ABHD14B: variants seen among roughly 807,000 people sequenced by gnomAD.
ABHD14B encodes putative protein-lysine deacylase ABHD14B.
A neutral mutation model predicts 15.4 loss-of-function variants in ABHD14B; 19 were observed. The observed-to-expected ratio is 1.23, with a 90% confidence interval of 0.86 to 1.81. The LOEUF (loss-of-function observed/expected upper bound fraction) is 1.81, where lower values mean the gene tolerates loss of function less well. Among genes scored for constraint, ABHD14B ranks in the 40% most tolerant of loss-of-function variants. The pLI, the probability that ABHD14B is intolerant of heterozygous loss-of-function variation, is 0.00. For missense variants in ABHD14B, 243 were observed against 267.0 expected (o/e 0.91, Z 0.63); for synonymous variants, 92 against 117.3 (o/e 0.78, Z 1.39).
chr3:51,971,328 CAGCCT>C, intron 2 of ABHD14B, 127 bp downstream of exon 2: 1 of 1,102,170 alleles, frequency 9.1e-7, no homozygotes, highest in Non-Finnish European at 1.3e-6. Flanking sequence ...GTTCAGGGCC[CAGCCT>C]GGCTGGGTCC....
intron 3 of ABHD14B, 162 bp downstream of exon 3, chr3:51,969,780 GC>G (rs1700617563): frequency 6.9e-7 from 1 of 1,439,306 alleles, no homozygotes; most frequent in South Asian, 1.2e-5. Flanking sequence ...TTAGCACAGG[GC>G]TTGGCACAGT....
intron 1 of ABHD14B, chr3:51,971,902 G>A: frequency 1.8e-6 from 2 of 1,093,476 alleles, no homozygotes; most frequent in Non-Finnish European, 2.4e-6. Context: ...TCTGAAATAT[G>A]GGAACAATAA....
At position 51,969,494 on chromosome 3, in the gene ABHD14B, G is replaced by T; in HGVS notation, c.565C>A (p.Pro189Thr). The T allele has an allele frequency of 2.5e-6, 4 of 1,613,974 alleles. No homozygotes were observed. Among genetic ancestry groups the T allele is most frequent in the Middle Eastern group, 1.7e-4 (1 of 6,050 alleles). Residue 189 changes from proline (P) to threonine (T), a missense_variant, in exon 4 of 4, where the codon CCC becomes ACC. Pro to Thr is a conservative substitution (Grantham distance 38). Coordinates refer to ENST00000361143, the MANE Select transcript of ABHD14B (RefSeq NM_001146314.2). ...RVLIMKGAGH[P>T]CYLDKPEEWH... ...TCCTCTGGTTTGTCCAGGTAACAGG[G>T]GTGCCCCGCCCCCTTCATGATCAGC...
chr3:51,974,258 G>A (rs1336363106), upstream of ABHD14B: 2 of 353,468 alleles, frequency 5.7e-6, no homozygotes, highest in African/African-American at 4.3e-5. Flanking sequence ...ACATGGAGCA[G>A]TCTGAGGAGG....
Position 51,970,012 on chromosome 3 carries a change from G to A in ABHD14B, c.384C>T (p.Leu128=), listed in dbSNP as rs1383253995. 4 of 1,614,194 alleles carry A rather than the reference G, an allele frequency of 2.5e-6. No individual in the cohort carries two copies. Among genetic ancestry groups the A allele is most frequent in the Admixed American group, 1.7e-5 (1 of 60,028 alleles). Residue 128 remains leucine, a synonymous_variant, in exon 3 of 4, where the codon CTC becomes CTT. Transcript: ENST00000361143. ...TGGGGGCCACTGGCACAAAGCCCGG[G>A]AGCTGGGAGCCAGGGGCCGTGAGGA... ...LPFLTAPGSQ[L]PGFVPVAPIC... is the part of the protein sequence containing the mutation.
rs1483175315 is a variant in ABHD14B at position 51,971,458 on chromosome 3, A to T, written c.211+2T>A. On this transcript the variant is annotated splice_donor_variant, in intron 2 of 3. Transcript: ENST00000361143. LOFTEE classifies it high-confidence loss of function. Reference sequence around the variant, plus strand: ...CTGCCCAGAAGCCTGCCCCTTAAGTACCTGGCAGGTCAATGGCCACAGCCC... The same window carrying T: ...CTGCCCAGAAGCCTGCCCCTTAAGTTCCTGGCAGGTCAATGGCCACAGCCC... The T allele has an allele frequency of 6.4e-7, 1 of 1,572,298 alleles. No homozygotes were observed. Among genetic ancestry groups the T allele is most frequent in the South Asian group, 1.1e-5 (1 of 87,090 alleles).
intron 3 of ABHD14B, 133 bp downstream of exon 3, chr3:51,969,810 A>T: frequency 1.3e-6 from 2 of 1,539,734 alleles, no homozygotes; most frequent in Non-Finnish European, 1.8e-6. Flanking sequence ...GAGTAAACCA[A>T]AAGGGTGGAG....
intron 3 of ABHD14B, 57 bp downstream of exon 3, chr3:51,969,886 G>A: frequency 6.2e-7 from 1 of 1,613,846 alleles, no homozygotes; most frequent in Non-Finnish European, 8.5e-7. Flanking sequence ...GGAAAGCCCA[G>A]GGATGCACCC....
At position 51,970,127 on chromosome 3, in the gene ABHD14B, CCAGGGGCCAGCTCCCCAATAGGGG is replaced by C; in HGVS notation, c.245_268del (p.Ala82_Pro89del). On this transcript the variant is annotated inframe_deletion, in exon 3 of 4. Coordinates refer to ENST00000361143, the MANE Select transcript of ABHD14B (RefSeq NM_001146314.2). ...ATCCACCACAGCCGCCAGGAAGCTG[CCAGGGGCCAGCTCCCCAATAGGGG>C]CAGGGGCTGCTGCTTCCTTGGAGTG... 1 of 1,573,594 alleles carries C rather than the reference CCAGGGGCCAGCTCCCCAATAGGGG, an allele frequency of 6.4e-7. No individual in the cohort carries two copies. The highest frequency in any genetic ancestry group is 8.6e-7 in the Non-Finnish European group (1 of 1,159,376).
In ABHD14B at chr3:51,969,347, A is replaced by G; in HGVS notation, c.*79T>C. ...CACCTGTTGCATGTGCATGAGCCAG[A>G]GCCTGGGAGAGAAGAGAGAGCGTGC... On this transcript the variant is annotated 3_prime_UTR_variant, in exon 4 of 4. Transcript: ENST00000361143. 6.8e-7 allele frequency: 1 copy of G among 1,480,910 alleles called. No individual in the cohort carries two copies. Among genetic ancestry groups the G allele is most frequent in the Non-Finnish European group, 9.1e-7 (1 of 1,100,314 alleles). 91.7% of individuals were successfully genotyped at this position (1,480,910 alleles called of 1,614,324 possible).
Position 51,969,403 on chromosome 3 carries a change from A to C in ABHD14B, c.*23T>G, listed in dbSNP as rs373861935. 7 of 1,586,608 alleles carry C rather than the reference A, an allele frequency of 4.4e-6. No homozygotes were observed. The highest frequency in any genetic ancestry group is 6.0e-6 in the Non-Finnish European group (7 of 1,165,692). ...AGAGCTCAGAGCAGGCAGGCAGCCC[A>C]CCCCCTGCAGCAGTGCTGGGCTTCA... is the stretch of plus-strand genomic sequence containing the variant. On this transcript the variant is annotated 3_prime_UTR_variant, in exon 4 of 4. Coordinates refer to ENST00000361143, the MANE Select transcript of ABHD14B (RefSeq NM_001146314.2).
intron 1 of ABHD14B, among the ~76,000 whole-genome samples, chr3:51,972,866 T>G (rs1700682220): frequency 6.6e-6 from 1 of 152,106 alleles, no homozygotes; most frequent in Non-Finnish European, 1.5e-5. Context: ...AAGCCCATTT[T>G]ATTTTATTTT....
chr3:51,971,849 T>C, intron 1 of ABHD14B, 151 bp from the exon 2 acceptor site: 1 of 1,380,762 alleles, frequency 7.2e-7, no homozygotes, highest in Non-Finnish European at 9.4e-7. Context: ...TTTCTGCCTC[T>C]GCCATTTACT....
chr3:51,970,115 G>T lies in ABHD14B; in HGVS notation c.281C>A (p.Ala94Glu), dbSNP rs756291732. 1.2e-5 allele frequency: 19 copies of T among 1,581,640 alleles called. No individual in the cohort carries two copies. In the South Asian group the frequency reaches 2.1e-4, roughly 18 times the overall value. Residue 94 changes from alanine to glutamate, a missense_variant, in exon 3 of 4, where the codon GCG becomes GAG. Transcript: ENST00000361143. ...CAGCTCCAAGGCATCCACCACAGCC[G>T]CCAGGAAGCTGCCAGGGGCCAGCTC... ...IGELAPGSFLAAVVDALELGP... is the reference protein window; with the variant it reads ...IGELAPGSFLEAVVDALELGP...
chr3:51,972,764 T>C (rs904494173), intron 1 of ABHD14B, among the ~76,000 whole-genome samples: 25 of 152,344 alleles, frequency 1.6e-4, no homozygotes, highest in African/African-American at 5.8e-4. Flanking sequence ...GTACCATGCC[T>C]AGCACGTAGT....
intron 3 of ABHD14B, 70 bp from the exon 4 acceptor site, chr3:51,969,675 C>T (rs891033505): frequency 6.5e-6 from 10 of 1,538,416 alleles, no homozygotes; most frequent in Non-Finnish European, 6.2e-6. Context: ...GCCCTCCCCA[C>T]TTCAGTCTCT....
At chr3:51,969,817 G>A in intron 3 of ABHD14B, 126 bp downstream of exon 3, 2 of 1,548,692 alleles carry the variant, frequency 1.3e-6, no homozygotes, top group African/African-American at 1.4e-5. Flanking sequence ...CCAAAAGGGT[G>A]GAGTTGGGTG....
chr3:51,974,061 T>C (rs1700727968), upstream of ABHD14B: 1 of 1,286,514 alleles, frequency 7.8e-7, no homozygotes, highest in Non-Finnish European at 1.0e-6. Context: ...CCGGGCCCCA[T>C]CCAGCGGGGG....
chr3:51,973,069 G>T (rs1243868571), intron 1 of ABHD14B, among the ~76,000 whole-genome samples: 5 of 138,180 alleles, frequency 3.6e-5, no homozygotes, highest in African/African-American at 1.4e-4. Flanking sequence ...TTTTTGAGAC[G>T]GAGTCTCGCT....
Sources: allele counts gnomAD v4.1 joint callset (sites outside exome capture counted in the v4.1 genomes callset), GRCh38; gene constraint gnomAD v4.1.1; transcripts MANE v1.5; gene names NCBI Gene and HGNC (gene_info 2026-07-23, HGNC 2026-07-21).